Variants in LINGO2 observed in about 807,000 individuals in gnomAD.
LINGO2 encodes the protein leucine rich repeat and Ig domain containing 2, also known as leucine-rich repeat and immunoglobulin-like domain-containing nogo receptor-interacting protein 2.
LINGO2 carries 14 observed loss-of-function variants against 30.6 expected under a neutral mutation model. The ratio of observed to expected loss-of-function variants is 0.46; its 90% CI spans 0.30 to 0.72. The LOEUF (loss-of-function observed/expected upper bound fraction) is 0.72. LINGO2 is among the 30% of genes least tolerant of loss of function. LINGO2 has a pLI of 0.07. For synonymous variants in LINGO2, 317 were observed against 288.5 expected (o/e 1.10, Z -1.00); for missense variants, 729 against 751.7 (o/e 0.97, Z 0.35).
At chr9:28,874,417 A>G in the LINGO2 span, among the ~76,000 whole-genome samples, 1 of 152,128 alleles carries the variant, frequency 6.6e-6, no homozygotes, top group Non-Finnish European at 1.5e-5. Flanking sequence ...AAAATTTACC[A>G]AACATTTGTT....
rs144885951 is a variant in LINGO2, at chr9:28,596,587, T to A, written c.-365+73613A>T. On this transcript the variant is annotated intron_variant, in intron 1 of 5. Coordinates refer to ENST00000379992, the Ensembl canonical transcript of LINGO2. ...TTGTTTTAAATTTTCTCTGTAGGCT[T>A]TAGTGCTGGATAATAAACAAGAGAA... is the stretch of plus-strand genomic sequence containing the variant. 2.6e-3 allele frequency among the ~76,000 whole-genome samples: 393 copies of A among 152,258 alleles called. 3 individuals are homozygous for A. Among genetic ancestry groups the A allele is most frequent in the African/African-American group, 9.1e-3 (377 of 41,562 alleles).
intron 5 of LINGO2, among the ~76,000 whole-genome samples, chr9:27,987,768 A>G (rs1422178780): frequency 6.6e-6 from 1 of 151,946 alleles, no homozygotes; most frequent in South Asian, 2.1e-4. Context: ...CCACTTAAAT[A>G]AATCAAGTAC....
intron 3 of LINGO2, among the ~76,000 whole-genome samples, chr9:28,370,093 C>G (rs1003442540): frequency 6.6e-6 from 1 of 152,110 alleles, no homozygotes; most frequent in African/African-American, 2.4e-5. Context: ...GATCTAAGAT[C>G]TATAATAAAA....
At chr9:28,387,208 T>A (rs1218317657) in intron 2 of LINGO2, among the ~76,000 whole-genome samples, 1 of 152,100 alleles carries the variant, frequency 6.6e-6, no homozygotes, top group African/African-American at 2.4e-5. Flanking sequence ...ATCAGCACTC[T>A]GTGTCTTGCT....
chr9:28,755,040 T>A, the LINGO2 span, among the ~76,000 whole-genome samples: 2 of 151,982 alleles, frequency 1.3e-5, no homozygotes, highest in Non-Finnish European at 2.9e-5. Context: ...ACATATGAAA[T>A]TAATTCTGAT....
intron 4 of LINGO2, among the ~76,000 whole-genome samples, chr9:28,215,315 T>C (rs1426436693): frequency 2.6e-5 from 4 of 151,716 alleles, no homozygotes; most frequent in African/African-American, 9.7e-5. Context: ...AAGGGAAAAG[T>C]GCTGGGTAAA....
the LINGO2 span, among the ~76,000 whole-genome samples, chr9:29,049,322 C>T: frequency 1.3e-5 from 2 of 152,012 alleles, no homozygotes; most frequent in African/African-American, 4.8e-5. Context: ...GTAGCAAATG[C>T]TGGGGAGGAA....
At chr9:28,992,510 A>G in the LINGO2 span, among the ~76,000 whole-genome samples, 1 of 151,942 alleles carries the variant, frequency 6.6e-6, no homozygotes, top group Non-Finnish European at 1.5e-5. Context: ...TGCACCAAGC[A>G]GACCTAATAG....
intron 1 of LINGO2, among the ~76,000 whole-genome samples, chr9:28,592,378 G>C (rs1486567782): frequency 6.6e-6 from 1 of 152,038 alleles, no homozygotes; most frequent in Non-Finnish European, 1.5e-5. Flanking sequence ...TCTGGGAGTA[G>C]GGATGGCTTC....
the LINGO2 span, among the ~76,000 whole-genome samples, chr9:28,864,075 A>G: frequency 2.6e-5 from 4 of 152,230 alleles, no homozygotes; most frequent in African/African-American, 7.2e-5. Context: ...ACTATATGTA[A>G]TTCTCACATC....
At chr9:28,399,065 C>T (rs1444784838) in intron 2 of LINGO2, among the ~76,000 whole-genome samples, 1 of 152,178 alleles carries the variant, frequency 6.6e-6, no homozygotes, top group Non-Finnish European at 1.5e-5. Flanking sequence ...ATCTTCTCAC[C>T]TCCTCCATCA....
chr9:27,964,625 A>T (rs1820007522), intron 5 of LINGO2, among the ~76,000 whole-genome samples: 1 of 152,076 alleles, frequency 6.6e-6, no homozygotes, highest in African/African-American at 2.4e-5. Context: ...TTTATAATTT[A>T]TTCAGGGGAG....
chr9:28,921,321 A>T, the LINGO2 span, among the ~76,000 whole-genome samples: 51 of 152,090 alleles, frequency 3.4e-4, no homozygotes, highest in Admixed American at 1.2e-3. Context: ...CTTTTCTCTC[A>T]TATCACATAG....
chr9:28,915,736 G>T, the LINGO2 span, among the ~76,000 whole-genome samples: 2 of 152,058 alleles, frequency 1.3e-5, no homozygotes, highest in African/African-American at 2.4e-5. Flanking sequence ...CTAACTGAAG[G>T]CCTAAGGTAT....
chr9:28,189,593 A>AAGGGAGGGAGGG (rs1819715776), intron 4 of LINGO2, among the ~76,000 whole-genome samples: 1 of 4,610 alleles, frequency 2.2e-4, no homozygotes, highest in Non-Finnish European at 5.2e-4. Flanking sequence ...GGGAGGAAGG[A>AAGGGAGGGAGGG]AGGAAGGGAG....
intron 1 of LINGO2, among the ~76,000 whole-genome samples, chr9:28,659,353 T>A (rs1206639234): frequency 6.6e-6 from 1 of 152,050 alleles, no homozygotes; most frequent in Non-Finnish European, 1.5e-5. Context: ...TGCATGACAC[T>A]AAAGCCAATG....
chr9:28,813,167 T>C, the LINGO2 span, among the ~76,000 whole-genome samples: 21 of 151,932 alleles, frequency 1.4e-4, no homozygotes, highest in South Asian at 4.2e-3. Context: ...GCAGAGAACA[T>C]TGATGTCAAG....
At chr9:28,628,467 T>C (rs1826787281) in intron 1 of LINGO2, among the ~76,000 whole-genome samples, 1 of 152,116 alleles carries the variant, frequency 6.6e-6, no homozygotes, top group South Asian at 2.1e-4. Context: ...CGGGTGCGTA[T>C]AGTGTGCTGA....
chr9:28,090,697 G>A (rs920885335), intron 4 of LINGO2, among the ~76,000 whole-genome samples: 4 of 152,110 alleles, frequency 2.6e-5, no homozygotes, highest in East Asian at 1.9e-4. Context: ...TCAACATAGC[G>A]TTGGAAGTTC....
Sources: gnomAD v4.1 joint callset for allele counts (sites outside exome capture counted in the v4.1 genomes callset) on GRCh38, gnomAD v4.1.1 for gene constraint, MANE v1.5 for transcripts, NCBI Gene and HGNC (gene_info 2026-07-23, HGNC 2026-07-21) for gene names.